LAMA2: variants seen among roughly 807,000 people sequenced by gnomAD.
The protein encoded by LAMA2 is laminin subunit alpha 2.
In LAMA2, 269 loss-of-function variants were observed where a neutral mutation model predicts 364.8. The ratio of observed to expected loss-of-function variants is 0.74; its 90% confidence interval spans 0.67 to 0.82. The LOEUF (loss-of-function observed/expected upper bound fraction) is 0.82. LAMA2 is among the 40% of genes least tolerant of loss of function. The pLI is 0.00. For missense variants in LAMA2, 3,807 were observed against 3,873.2 expected (o/e 0.98, Z 0.45); for synonymous variants, 1,379 against 1,370.6 (o/e 1.01, Z -0.14).
chr6:128,885,563 G>A (rs113400405), intron 1 of LAMA2, among the ~76,000 whole-genome samples: 4,032 of 152,154 alleles, frequency 0.026, 150 homozygotes, highest in African/African-American at 0.083. Flanking sequence ...TGAAAATCAC[G>A]GGATATGAGT....
At chr6:129,245,980 A>T (rs923084963) in intron 12 of LAMA2, among the ~76,000 whole-genome samples, 3 of 152,242 alleles carry the variant, frequency 2.0e-5, no homozygotes, top group Non-Finnish European at 4.4e-5. Flanking sequence ...CTCCTTGACC[A>T]ACAGAAATAA....
rs374127279 is a variant in LAMA2 at position 129,210,003 on chromosome 6, C to CA, written c.1782+17172dup. On this transcript the variant is annotated intron_variant, in intron 12 of 64. Coordinates refer to ENST00000421865, the MANE Select transcript of LAMA2 (RefSeq NM_000426.4). ...CGGGCGACAGAGCGAGACTCCATCTCAAAAAAAAAAAAAAAAAAAAAATTT... is the reference window on the plus strand; with the variant it reads ...CGGGCGACAGAGCGAGACTCCATCTCAAAAAAAAAAAAAAAAAAAAAAATTT... 9.9e-3 allele frequency among the ~76,000 whole-genome samples: 664 copies of CA among 66,920 alleles called. 10 individuals carry two copies. In the East Asian group the frequency reaches 0.11, roughly 11 times the overall value. 43.9% of individuals were successfully genotyped at this position (66,920 alleles called of 152,430 possible).
At chr6:129,471,981 A>G (rs1022571790) in intron 51 of LAMA2, among the ~76,000 whole-genome samples, 2 of 152,000 alleles carry the variant, frequency 1.3e-5, no homozygotes, top group Non-Finnish European at 2.9e-5. Context: ...TGTTTTCCAA[A>G]GAACACTGAT....
rs146350203 is a variant in LAMA2 at position 128,921,621 on chromosome 6, T to C, written c.112+38264T>C. 1.6e-3 allele frequency among the ~76,000 whole-genome samples: 247 copies of C among 151,454 alleles called. 2 individuals carry two copies. Among genetic ancestry groups the C allele is most frequent in the Middle Eastern group, 6.9e-3 (2 of 290 alleles). ...AAGAAGCATGGACATTTTTTCTTACTGTGTCTAGAAGGAACCAACTAGGCT... is the reference window on the plus strand; with the variant it reads ...AAGAAGCATGGACATTTTTTCTTACCGTGTCTAGAAGGAACCAACTAGGCT... On this transcript the variant is annotated intron_variant, in intron 1 of 64. Coordinates refer to ENST00000421865, the MANE Select transcript of LAMA2 (RefSeq NM_000426.4).
chr6:129,161,864 G>T (rs1367362365), intron 8 of LAMA2, among the ~76,000 whole-genome samples: 3 of 152,060 alleles, frequency 2.0e-5, no homozygotes, highest in Non-Finnish European at 4.4e-5. Flanking sequence ...AGTATTCCAT[G>T]GTGTATATGT....
At chr6:129,075,891 C>G (rs1014924298) in intron 3 of LAMA2, among the ~76,000 whole-genome samples, 2 of 151,870 alleles carry the variant, frequency 1.3e-5, no homozygotes, top group African/African-American at 2.4e-5. Context: ...GTATTCGAGA[C>G]CAGCAACCAG....
intron 29 of LAMA2, among the ~76,000 whole-genome samples, chr6:129,332,637 C>T (rs952783209): frequency 1.3e-5 from 2 of 152,086 alleles, no homozygotes; most frequent in Admixed American, 1.3e-4. Context: ...TTACAGTAAA[C>T]TGTTTTAAGG....
chr6:129,233,950 G>A (rs1784830554), intron 12 of LAMA2, among the ~76,000 whole-genome samples: 1 of 152,190 alleles, frequency 6.6e-6, no homozygotes, highest in Non-Finnish European at 1.5e-5. Context: ...AAAATGTTGT[G>A]AGACAAATTT....
intron 1 of LAMA2, among the ~76,000 whole-genome samples, chr6:128,921,713 T>TTTTTTTTTTTTTTTTTTTTTAA (rs1328311348): frequency 6.9e-6 from 1 of 144,834 alleles, no homozygotes; most frequent in African/African-American, 2.6e-5. Flanking sequence ...TTTTTTTTTT[T>TTTTTTTTTTTTTTTTTTTTTAA]ATTATTATTA....
intron 1 of LAMA2, among the ~76,000 whole-genome samples, chr6:128,903,366 T>C (rs906357141): frequency 3.9e-5 from 6 of 152,348 alleles, no homozygotes; most frequent in African/African-American, 1.4e-4. Context: ...TTGTACATTC[T>C]GTATTAAAAT....
intron 37 of LAMA2, among the ~76,000 whole-genome samples, chr6:129,395,986 T>C (rs1779594854): frequency 6.6e-6 from 1 of 152,158 alleles, no homozygotes; most frequent in Non-Finnish European, 1.5e-5. Flanking sequence ...TATAAGAGAA[T>C]CGCATTGTGA....
intron 1 of LAMA2, among the ~76,000 whole-genome samples, chr6:128,960,031 A>G (rs1386843979): frequency 1.3e-5 from 2 of 152,086 alleles, no homozygotes; most frequent in Admixed American, 6.5e-5. Flanking sequence ...ATGATTTTTC[A>G]CATTGAAGTT....
At chr6:129,274,727 T>A (rs1285225816) in intron 17 of LAMA2, among the ~76,000 whole-genome samples, 2 of 152,046 alleles carry the variant, frequency 1.3e-5, no homozygotes, top group Non-Finnish European at 2.9e-5. Flanking sequence ...ATCTTGTTGA[T>A]GTATATATTC....
chr6:128,965,133 T>C (rs895538939), intron 1 of LAMA2, among the ~76,000 whole-genome samples: 14 of 152,014 alleles, frequency 9.2e-5, no homozygotes, highest in African/African-American at 3.4e-4. Context: ...GAAAAAAATA[T>C]ACTTTCAAGG....
chr6:129,230,594 A>G (rs368357968), intron 12 of LAMA2, among the ~76,000 whole-genome samples: 31 of 152,230 alleles, frequency 2.0e-4, no homozygotes, highest in African/African-American at 7.2e-4. Flanking sequence ...CAAGGAGAAA[A>G]GAGAAAGTAT....
At chr6:129,388,667 A>C (rs1779156703) in intron 35 of LAMA2, among the ~76,000 whole-genome samples, 1 of 152,138 alleles carries the variant, frequency 6.6e-6, no homozygotes, top group Admixed American at 6.5e-5. Flanking sequence ...ATGAAAGCTG[A>C]TTTATACACG....
At chr6:129,184,039 C>T (rs1018861879) in intron 10 of LAMA2, among the ~76,000 whole-genome samples, 2 of 151,836 alleles carry the variant, frequency 1.3e-5, no homozygotes, top group African/African-American at 4.8e-5. Context: ...CACACTGAAG[C>T]CCTGTACAAG....
intron 12 of LAMA2, among the ~76,000 whole-genome samples, chr6:129,247,551 T>C (rs1381155350): frequency 6.6e-6 from 1 of 152,206 alleles, no homozygotes; most frequent in African/African-American, 2.4e-5. Flanking sequence ...GAAAAAGACA[T>C]TGATTCTAAT....
At chr6:129,227,824 A>T (rs965716638) in intron 12 of LAMA2, among the ~76,000 whole-genome samples, 1 of 152,146 alleles carries the variant, frequency 6.6e-6, no homozygotes, top group African/African-American at 2.4e-5. Flanking sequence ...CTCAAACTCC[A>T]TGCTGGGAGA....
Sources: gnomAD v4.1 joint callset for allele counts (sites outside exome capture counted in the v4.1 genomes callset) on GRCh38, gnomAD v4.1.1 for gene constraint, MANE v1.5 for transcripts, NCBI Gene and HGNC (gene_info 2026-07-23, HGNC 2026-07-21) for gene names.